NHLRC2: variants seen among roughly 807,000 people sequenced by gnomAD.
NHLRC2 encodes NHL repeat-containing protein 2.
NHLRC2 carries 33 observed loss-of-function variants against 68.1 expected under a neutral mutation model. The observed-to-expected ratio is 0.48, with a 90% CI of 0.37 to 0.65. The LOEUF (loss-of-function observed/expected upper bound fraction) is 0.65, where lower values mean the gene tolerates loss of function less well. Among genes scored for constraint, NHLRC2 ranks in the 30% least tolerant of loss-of-function variants. The pLI, the probability that NHLRC2 is intolerant of heterozygous loss-of-function variation, is 0.00. For synonymous variants in NHLRC2, 311 were observed against 309.6 expected, an observed-to-expected ratio of 1.00 and a Z score of -0.05; for missense variants, 761 against 853.8, an observed-to-expected ratio of 0.89 and a Z score of 1.35.
At chr10:113,857,006 A>G (rs994993576) in intron 1 of NHLRC2, among the ~76,000 whole-genome samples, 1 of 152,190 alleles carries the variant, frequency 6.6e-6, no homozygotes. Flanking sequence ...TCAAAGCCTT[A>G]TATTTCTCAC....
At chr10:113,875,595 T>C (rs533429890) in intron 2 of NHLRC2, among the ~76,000 whole-genome samples, 1 of 152,340 alleles carries the variant, frequency 6.6e-6, no homozygotes, top group Non-Finnish European at 1.5e-5. Context: ...TTCTGTCATT[T>C]GATCTTCTGT....
intron 3 of NHLRC2, among the ~76,000 whole-genome samples, chr10:113,878,328 G>T (rs1245232868): frequency 1.3e-4 from 20 of 151,902 alleles, no homozygotes; most frequent in Non-Finnish European, 1.5e-5. Context: ...ATTAACAATT[G>T]TAGGTACAGT....
At position 113,911,048 on chromosome 10, in the gene NHLRC2, AT is replaced by A. The variant is rs1476480257; in HGVS notation, c.*2518del. ...CCATATTCTATAAGGACTAATGCAT[AT>A]TTTTTATCTTTTGCTTTTCTTGTTG... On this transcript the variant is annotated 3_prime_UTR_variant, in exon 11 of 11. Coordinates refer to ENST00000369301, the MANE Select transcript of NHLRC2 (RefSeq NM_198514.4). The A allele has an allele frequency of 3.9e-5, 6 of 152,242 alleles. No homozygotes were observed. Among genetic ancestry groups the A allele is most frequent in the South Asian group, 2.1e-4 (1 of 4,824 alleles). 9.4% of individuals were successfully genotyped at this position (152,242 alleles called of 1,614,324 possible).
rs545307142 is a variant in NHLRC2 at position 113,882,838 on chromosome 10, C to T, written c.910-1413C>T. 6.6e-5 allele frequency among the ~76,000 whole-genome samples: 10 copies of T among 151,784 alleles called. No homozygotes were observed. The East Asian group carries it at 1.4e-3, about 20-fold the overall frequency. On this transcript the variant is annotated intron_variant, in intron 4 of 10. Coordinates refer to ENST00000369301, the MANE Select transcript of NHLRC2 (RefSeq NM_198514.4). ...TTAGTTATGGCTCTTATAATTAGGT[C>T]TTTGATCCATTTTGAGTTGATTTTT...
At chr10:113,888,425 G>A (rs1306707110) in intron 5 of NHLRC2, among the ~76,000 whole-genome samples, 1 of 152,060 alleles carries the variant, frequency 6.6e-6, no homozygotes, top group Admixed American at 6.5e-5. Context: ...CCCCACGAAT[G>A]TACACAATTA....
intron 1 of NHLRC2, among the ~76,000 whole-genome samples, chr10:113,856,339 T>A (rs1484840498): frequency 6.6e-6 from 1 of 152,208 alleles, no homozygotes; most frequent in Non-Finnish European, 1.5e-5. Flanking sequence ...GGAACCTGCC[T>A]CCGACAACAG....
intron 6 of NHLRC2, among the ~76,000 whole-genome samples, chr10:113,899,693 G>A (rs1246451251): frequency 6.6e-6 from 1 of 152,118 alleles, no homozygotes; most frequent in South Asian, 2.1e-4. Context: ...GCCGAGGCAG[G>A]CAGATCACAA....
intron 2 of NHLRC2, among the ~76,000 whole-genome samples, chr10:113,875,716 C>T (rs773106991): frequency 6.6e-5 from 10 of 152,050 alleles, no homozygotes; most frequent in East Asian, 5.8e-4. Flanking sequence ...TGTTTTGATT[C>T]GGAATTGATA....
chr10:113,868,968 G>A (rs1845896737), intron 2 of NHLRC2, among the ~76,000 whole-genome samples: 1 of 152,204 alleles, frequency 6.6e-6, no homozygotes. Context: ...GGAAAAGAGT[G>A]TGGAGAAGAT....
At chr10:113,899,715 C>T (rs1042569499) in intron 6 of NHLRC2, among the ~76,000 whole-genome samples, 2 of 151,946 alleles carry the variant, frequency 1.3e-5, no homozygotes, top group Non-Finnish European at 2.9e-5. Context: ...GTCAGTAGTT[C>T]GAGACCAGAA....
intron 5 of NHLRC2, among the ~76,000 whole-genome samples, chr10:113,890,962 A>G (rs192629493): frequency 6.6e-6 from 1 of 152,320 alleles, no homozygotes. Flanking sequence ...GGGAAGTGCC[A>G]GACAGTTACT....
chr10:113,868,100 C>T (rs990089161), intron 2 of NHLRC2, among the ~76,000 whole-genome samples: 5 of 152,092 alleles, frequency 3.3e-5, no homozygotes, highest in Non-Finnish European at 5.9e-5. Context: ...GTGATCTGCC[C>T]GCCTCAGCCT....
chr10:113,890,736 T>C (rs1846123173), intron 5 of NHLRC2, among the ~76,000 whole-genome samples: 1 of 152,228 alleles, frequency 6.6e-6, no homozygotes. Context: ...TTTCTTCAGC[T>C]GTGTCTAGTC....
In NHLRC2 at chr10:113,876,641, C is replaced by G; in HGVS notation, c.452C>G (p.Ala151Gly). The G allele has an allele frequency of 6.2e-7, 1 of 1,613,836 alleles. No individual in the cohort carries two copies. Among genetic ancestry groups the G allele is most frequent in the East Asian group, 2.2e-5 (1 of 44,870 alleles). ...ITHPMVNDAD[A>G]SLWQELEVSC... is the part of the protein sequence containing the mutation. ...CACCCTATGGTTAATGATGCAGATG[C>G]CAGCCTTTGGCAAGAACTAGAAGTT... Residue 151 changes from alanine to glycine, a missense_variant, in exon 3 of 11, where the codon GCC (alanine) becomes GGC (glycine). Ala to Gly is a moderately conservative substitution (Grantham distance 60, BLOSUM62 0). Transcript: ENST00000369301.
chr10:113,860,245 T>C (rs1263901231), intron 2 of NHLRC2, among the ~76,000 whole-genome samples: 1 of 152,158 alleles, frequency 6.6e-6, no homozygotes, highest in Non-Finnish European at 1.5e-5. Flanking sequence ...AGTTTACCAG[T>C]TCCATACCTA....
At position 113,857,349 on chromosome 10, in the gene NHLRC2, G is replaced by A. The variant is rs571151782; in HGVS notation, c.179-1179G>A. On this transcript the variant is annotated intron_variant, in intron 1 of 10. Coordinates refer to ENST00000369301, the MANE Select transcript of NHLRC2 (RefSeq NM_198514.4). ...AAGTTTTGTATGATCACTTGATCTG[G>A]TATATAATTAATATTTTAACAAAAT... Among the ~76,000 whole-genome samples, 3 of 152,180 alleles carry A rather than the reference G, an allele frequency of 2.0e-5. No homozygotes were observed. In the East Asian group the frequency reaches 5.8e-4, roughly 29 times the overall value.
intron 5 of NHLRC2, among the ~76,000 whole-genome samples, chr10:113,896,589 C>T (rs965057204): frequency 2.0e-5 from 3 of 150,870 alleles, no homozygotes; most frequent in Admixed American, 6.6e-5. Flanking sequence ...GTGGGTGCAG[C>T]GCACCAGCAT....
chr10:113,894,218 A>G (rs1277527535), intron 5 of NHLRC2, among the ~76,000 whole-genome samples: 3 of 152,196 alleles, frequency 2.0e-5, no homozygotes, highest in Non-Finnish European at 4.4e-5. Flanking sequence ...TACTTGGTCA[A>G]CCTTCCAGTC....
Position 113,854,836 on chromosome 10 carries a change from G to C in NHLRC2, c.-37G>C. The C allele has an allele frequency of 6.6e-7, 1 of 1,518,082 alleles. No individual in the cohort carries two copies. The highest frequency in any genetic ancestry group is 1.4e-5 in the African/African-American group (1 of 71,940). 94.0% of individuals were successfully genotyped at this position (1,518,082 alleles called of 1,614,324 possible). A position where few individuals can be genotyped will look rare whatever the true frequency, so the allele number is the denominator to read the frequency against. Reference sequence around the variant, plus strand: ...TCGTCTCTCCCAGCGAGACTCTCCCGCGGGCCCGGCGGCCGCATCGGGAGC... The same window carrying C: ...TCGTCTCTCCCAGCGAGACTCTCCCCCGGGCCCGGCGGCCGCATCGGGAGC... On this transcript the variant is annotated 5_prime_UTR_variant, in exon 1 of 11. Coordinates refer to ENST00000369301, the MANE Select transcript of NHLRC2 (RefSeq NM_198514.4).
Sources: allele counts gnomAD v4.1 joint callset (sites outside exome capture counted in the v4.1 genomes callset), GRCh38; gene constraint gnomAD v4.1.1; transcripts MANE v1.5; gene names NCBI Gene and HGNC (gene_info 2026-07-23, HGNC 2026-07-21).